GREB1: variants seen among roughly 807,000 people sequenced by gnomAD.
GREB1 encodes the protein growth regulating estrogen receptor binding 1.
In GREB1, 106 loss-of-function variants were observed where a neutral mutation model predicts 200.7. The ratio of observed to expected loss-of-function variants is 0.53; its 90% CI spans 0.45 to 0.62. GREB1 has a LOEUF of 0.62. Among genes scored for constraint, GREB1 ranks in the 20% least tolerant of loss-of-function variants. The probability of loss-of-function intolerance (pLI) is 0.00; values close to 1 mark genes in which losing one functional copy is unlikely to be tolerated. For synonymous variants in GREB1, 1,132 were observed against 1,092.4 expected (o/e 1.04, Z -0.72); for missense variants, 2,243 against 2,556.8 (o/e 0.88, Z 2.65).
At chr2:11,624,469 C>T (rs1230426742) in intron 23 of GREB1, among the ~76,000 whole-genome samples, 1 of 151,844 alleles carries the variant, frequency 6.6e-6, no homozygotes, top group Non-Finnish European at 1.5e-5. Context: ...CTCAGCCTCC[C>T]GAGTAGCTGG....
At position 11,618,860 on chromosome 2, in the gene GREB1, G is replaced by A. The variant is rs1486163508; in HGVS notation, c.3985G>A (p.Ala1329Thr). 1 of 1,587,724 alleles carries A rather than the reference G, an allele frequency of 6.3e-7. No individual in the cohort carries two copies. The highest frequency in any genetic ancestry group is 1.3e-5 in the African/African-American group (1 of 74,754). Reference protein sequence around the residue: ...RPSHMDYGNRAEGRVDGFHPR... With the variant: ...RPSHMDYGNRTEGRVDGFHPR... ...CAGCCACATGGACTACGGCAACCGG[G>A]CCGAGGGCCGCGTGGACGGCTTCCA... The change falls in exon 22 of 33, where the codon GCC becomes ACC. Residue 1329 changes from alanine to threonine, a missense_variant. Around this residue, in one of 3 missense-constraint regions of GREB1, gnomAD observed 587 missense variants for 553.1 expected, o/e 1.06. Transcript: ENST00000381486.
At chr2:11,532,888 T>A (rs553404927), upstream of GREB1, among the ~76,000 whole-genome samples, 1 of 152,356 alleles carries the variant, frequency 6.6e-6, no homozygotes, top group South Asian at 2.1e-4. Context: ...TAAAAGGTGC[T>A]TTACGGTCCT....
chr2:11,618,960 G>A (rs1035476950), intron 22 of GREB1, 41 bp downstream of exon 22: 7 of 1,441,420 alleles, frequency 4.9e-6, no homozygotes, highest in Admixed American at 2.7e-5. Flanking sequence ...CCGGACTGGG[G>A]GGGTCCTCAC....
At position 11,612,613 on chromosome 2, in the gene GREB1, G is replaced by A. The variant is rs774231842; in HGVS notation, c.3122+3G>A. The A allele has an allele frequency of 6.3e-7, 1 of 1,589,002 alleles. No individual in the cohort carries two copies. The highest frequency in any genetic ancestry group is 8.6e-7 in the Non-Finnish European group (1 of 1,158,804). ...CCGCATGGGGAGTCCTTGCCGAGGTGAGTGGAGGGGTTATGCCCCTGGGGG... is the reference window on the plus strand; with the variant it reads ...CCGCATGGGGAGTCCTTGCCGAGGTAAGTGGAGGGGTTATGCCCCTGGGGG... On this transcript the variant is annotated splice_donor_region_variant and intron_variant, in intron 19 of 32. Transcript: ENST00000381486.
chr2:11,489,020 T>A (rs2148401757), intron 1 of GREB1, among the ~76,000 whole-genome samples: 1 of 152,200 alleles, frequency 6.6e-6, no homozygotes, highest in South Asian at 2.1e-4. Context: ...CAGCACTCAG[T>A]ACAATGGCTG....
chr2:11,578,806 C>T (rs976337059), intron 6 of GREB1, among the ~76,000 whole-genome samples: 4 of 152,166 alleles, frequency 2.6e-5, no homozygotes, highest in Non-Finnish European at 2.9e-5. Context: ...CCATTCACCC[C>T]GTGCTCAGCA....
chr2:11,632,282 G>A lies in GREB1; in HGVS notation c.4816+169G>A, dbSNP rs147840632. On this transcript the variant is annotated intron_variant, in intron 27 of 32. Transcript: ENST00000381486. ...TTTATGCAGTCTTCCCCCGCTACCCGCACCCAGTGTTTGGTTATCCATTTA... is the reference window on the plus strand; with the variant it reads ...TTTATGCAGTCTTCCCCCGCTACCCACACCCAGTGTTTGGTTATCCATTTA... Among the ~76,000 whole-genome samples, 350 of 150,786 alleles carry A rather than the reference G, an allele frequency of 2.3e-3. 3 individuals carry two copies. Among genetic ancestry groups the A allele is most frequent in the African/African-American group, 7.8e-3 (319 of 41,048 alleles).
intron 7 of GREB1, 196 bp downstream of exon 7, chr2:11,581,028 C>A: frequency 1.4e-6 from 1 of 719,514 alleles, no homozygotes. Context: ...CTATGAGTGA[C>A]ACTTGGGAGT....
rs201637674 is a variant in GREB1 at position 11,580,810 on chromosome 2, C to T, written c.879C>T (p.Ala293=). 4.3e-6 allele frequency: 7 copies of T among 1,614,142 alleles called. No homozygotes were observed. In the East Asian group the frequency reaches 1.6e-4, roughly 36 times the overall value. Residue 293 remains alanine, a synonymous_variant, in exon 7 of 33, where the codon GCC becomes GCT. Transcript: ENST00000381486. This position sits in a 1 kb window ranked among gnomAD's most constrained non-coding sequence, Gnocchi z 4.5. ...AACTGGCAAAGAATAACCTGTTGGC[C>T]CTGCCGCGACCATCGGCTTTAGGTA... The part of the protein sequence containing the change: ...CQQLAKNNLL[A]LPRPSALGIL...
intron 9 of GREB1, among the ~76,000 whole-genome samples, chr2:11,586,450 G>C (rs189412749): frequency 1.3e-5 from 2 of 152,214 alleles, no homozygotes; most frequent in South Asian, 4.1e-4. Flanking sequence ...TACGCTACGT[G>C]GGGGTAGACT....
chr2:11,578,559 C>T (rs1679128354), intron 6 of GREB1, 128 bp downstream of exon 6: 6 of 896,570 alleles, frequency 6.7e-6, no homozygotes, highest in Non-Finnish European at 8.3e-6. Flanking sequence ...TTTTCTATAA[C>T]ACCTTTACTT....
chr2:11,526,987 C>T (rs941505282), intron 1 of GREB1, among the ~76,000 whole-genome samples: 3 of 152,112 alleles, frequency 2.0e-5, no homozygotes, highest in African/African-American at 7.2e-5. Flanking sequence ...GGATGTTGCT[C>T]TTTTTCACAC....
At chr2:11,635,449 G>A (rs776499132) in intron 30 of GREB1, 44 bp downstream of exon 30, 8 of 1,564,524 alleles carry the variant, frequency 5.1e-6, no homozygotes, top group Non-Finnish European at 5.2e-6. Context: ...CCACCGCCTG[G>A]GCCGCCCTGG....
Position 11,588,800 on chromosome 2 carries a change from C to T in GREB1, c.1214C>T (p.Pro405Leu). The change falls in exon 10 of 33, where the codon CCC (proline) becomes CTC (leucine). Residue 405 changes from proline (P) to leucine (L), a missense_variant. Physicochemically the swap from Pro to Leu is moderately conservative, Grantham distance 98. Coordinates refer to ENST00000381486, the MANE Select transcript of GREB1 (RefSeq NM_014668.4). ...CGNLNDVVVS[P>L]LLYTCYQNSQ... ...AACCTGAATGACGTCGTGGTCAGCC[C>T]CCTCTTGTACACGTGCTACCAGAAT... is the stretch of plus-strand genomic sequence containing the variant. 2 of 1,614,226 alleles carry T rather than the reference C, an allele frequency of 1.2e-6. No individual in the cohort carries two copies. Among genetic ancestry groups the T allele is most frequent in the Non-Finnish European group, 1.7e-6 (2 of 1,180,030 alleles).
intron 1 of GREB1, among the ~76,000 whole-genome samples, chr2:11,538,788 C>T (rs369751898): frequency 0.13 from 3,545 of 27,656 alleles, 677 homozygotes; most frequent in Non-Finnish European, 0.23. Flanking sequence ...GTCTTCCTTC[C>T]TTCCTTCCCT....
Position 11,613,769 on chromosome 2 carries a change from G to C in GREB1, c.3122+1159G>C, listed in dbSNP as rs180945811. On this transcript the variant is annotated intron_variant, in intron 19 of 32. Transcript: ENST00000381486. ...CCTTCTGGTACCTTCTTTGTACCAGGCATCATGATAGACTTTTCATATGAA... is the reference window on the plus strand; with the variant it reads ...CCTTCTGGTACCTTCTTTGTACCAGCCATCATGATAGACTTTTCATATGAA... Among the ~76,000 whole-genome samples the C allele has an allele frequency of 3.2e-3, 483 of 152,264 alleles. 3 individuals are homozygous for C. The highest frequency in any genetic ancestry group is 0.011 in the African/African-American group (461 of 41,532).
chr2:11,625,234 T>G lies in GREB1; in HGVS notation c.4228T>G (p.Phe1410Val). The G allele has an allele frequency of 6.2e-7, 1 of 1,614,090 alleles. No homozygotes were observed. The highest frequency in any genetic ancestry group is 8.5e-7 in the Non-Finnish European group (1 of 1,179,910). ...PDLELFKKLP[F>V]DYIIHDPKYE... ...CCTGGAGCTGTTCAAGAAGTTGCCCTTTGACTACATCATTCACGACCCGAA... is the reference window on the plus strand; with the variant it reads ...CCTGGAGCTGTTCAAGAAGTTGCCCGTTGACTACATCATTCACGACCCGAA... Residue 1410 changes from phenylalanine (F) to valine (V), a missense_variant, in exon 24 of 33, where the codon TTT becomes GTT. Around this residue, in one of 3 missense-constraint regions of GREB1, gnomAD observed 587 missense variants for 553.1 expected, o/e 1.06. Coordinates refer to ENST00000381486, the MANE Select transcript of GREB1 (RefSeq NM_014668.4).
At chr2:11,588,298 A>C (rs1300681581) in intron 9 of GREB1, 2 of 1,088,960 alleles carry the variant, frequency 1.8e-6, no homozygotes, top group Non-Finnish European at 2.2e-6. Context: ...ACCTTGCCAG[A>C]CAGCCCTGGG....
intron 1 of GREB1, among the ~76,000 whole-genome samples, chr2:11,510,112 T>C (rs1406043548): frequency 6.6e-6 from 1 of 152,246 alleles, no homozygotes; most frequent in Non-Finnish European, 1.5e-5. Context: ...CCCTTGGAAT[T>C]CCCTACTTAC....
Sources: allele counts gnomAD v4.1 joint callset (sites outside exome capture counted in the v4.1 genomes callset), GRCh38; gene constraint gnomAD v4.1.1; regional missense constraint gnomAD v4.1.1; non-coding constraint Gnocchi (gnomAD v3.1); transcripts MANE v1.5; gene names NCBI Gene and HGNC (gene_info 2026-07-23, HGNC 2026-07-21).